The following BTAF1 variants were observed in gnomAD, a reference collection of about 807,000 sequenced individuals.
The protein encoded by BTAF1 is B-TFIID TATA-box binding protein associated factor 1.
BTAF1 carries 38 observed loss-of-function variants against 227.1 expected under a neutral mutation model. That is an observed-to-expected ratio of 0.17 (90% CI 0.13 to 0.22). The LOEUF is 0.22. Ranked by LOEUF, BTAF1 falls within the 10% of genes least tolerant of loss-of-function variation. The pLI, the probability that BTAF1 is intolerant of heterozygous loss-of-function variation, is 1.00. For missense variants in BTAF1, 1,598 were observed against 2,204.0 expected (o/e 0.73, Z 5.51); for synonymous variants, 742 against 751.9 (o/e 0.99, Z 0.21).
At chr10:91,962,994 GT>G (rs926105682) in intron 12 of BTAF1, among the ~76,000 whole-genome samples, 11 of 151,452 alleles carry the variant, frequency 7.3e-5, no homozygotes, top group Admixed American at 2.0e-4. Context: ...TTTTTGGATT[GT>G]TTTTTTAAAT....
intron 1 of BTAF1, among the ~76,000 whole-genome samples, chr10:91,929,288 G>C (rs1026982366): frequency 2.0e-5 from 3 of 152,202 alleles, no homozygotes; most frequent in African/African-American, 7.2e-5. Context: ...GCTAGAGAAA[G>C]TTTCAGAAAT....
intron 18 of BTAF1, among the ~76,000 whole-genome samples, chr10:91,983,591 G>C (rs1848206998): frequency 6.6e-6 from 1 of 152,148 alleles, no homozygotes; most frequent in South Asian, 2.1e-4. Context: ...AGCAAGTGTT[G>C]ACAGTTAGGT....
At chr10:92,008,005 C>T (rs1850044112) in intron 25 of BTAF1, 118 bp from the exon 26 acceptor site, 1 of 956,722 alleles carries the variant, frequency 1.0e-6, no homozygotes, top group Non-Finnish European at 1.6e-6. Flanking sequence ...GATTTGTCTT[C>T]AAGTCTTTGT....
intron 19 of BTAF1, among the ~76,000 whole-genome samples, chr10:91,988,445 T>C (rs910365911): frequency 2.2e-4 from 34 of 152,190 alleles, no homozygotes; most frequent in African/African-American, 7.7e-4. Context: ...GTAGTTTTTA[T>C]GGTATGCAAA....
At position 91,982,103 on chromosome 10, in the gene BTAF1, G is replaced by C; in HGVS notation, c.1926G>C (p.Val642=). 6.2e-7 allele frequency: 1 copy of C among 1,612,464 alleles called. No homozygotes were observed. The highest frequency in any genetic ancestry group is 1.1e-5 in the South Asian group (1 of 90,874). ...ARAKEKTGGK[V]RQGQSQNKEV... ...TGTAGGAAAAAACAGGTGGTAAGGT[G>C]CGCCAAGGCCAAAGCCAGAATAAAG... The change falls in exon 17 of 38, where the codon GTG becomes GTC. Residue 642 remains valine (V), a synonymous_variant. Coordinates refer to ENST00000265990, the MANE Select transcript of BTAF1 (RefSeq NM_003972.3).
chr10:91,926,996 T>C (rs941761886), intron 1 of BTAF1, among the ~76,000 whole-genome samples: 14 of 152,296 alleles, frequency 9.2e-5, no homozygotes, highest in Middle Eastern at 3.4e-3. Context: ...TCAACTTCTC[T>C]GTACTTCCCC....
At chr10:91,978,286 G>A (rs1024389083) in intron 14 of BTAF1, among the ~76,000 whole-genome samples, 13 of 152,142 alleles carry the variant, frequency 8.5e-5, no homozygotes, top group African/African-American at 2.9e-4. Context: ...AAATATAGGG[G>A]GAAAATCTTC....
chr10:91,946,543 A>G (rs934402707), intron 4 of BTAF1, among the ~76,000 whole-genome samples: 6 of 152,202 alleles, frequency 3.9e-5, no homozygotes, highest in African/African-American at 1.2e-4. Context: ...TTTACATTCA[A>G]TTTCTCAACA....
chr10:91,970,451 G>A (rs1847211893), intron 14 of BTAF1, among the ~76,000 whole-genome samples: 1 of 152,194 alleles, frequency 6.6e-6, no homozygotes, highest in Non-Finnish European at 1.5e-5. Context: ...ATGGTGGAAG[G>A]CAAGGAGGAG....
intron 14 of BTAF1, among the ~76,000 whole-genome samples, chr10:91,969,351 G>C (rs1847135594): frequency 6.6e-6 from 1 of 151,808 alleles, no homozygotes; most frequent in South Asian, 2.1e-4. Context: ...CAAAAAAAAA[G>C]TTAGCTATTA....
chr10:92,026,469 T>G (rs78534156), intron 35 of BTAF1, 123 bp from the exon 36 acceptor site: 9 of 747,384 alleles, frequency 1.2e-5, no homozygotes, highest in Non-Finnish European at 1.9e-5. Flanking sequence ...CAGATGATCA[T>G]GTAAGTATCC....
intron 4 of BTAF1, among the ~76,000 whole-genome samples, chr10:91,943,271 A>G (rs1470924830): frequency 2.0e-5 from 3 of 152,114 alleles, no homozygotes; most frequent in East Asian, 3.8e-4. Flanking sequence ...CCGAGATCAC[A>G]CCACTGCACT....
intron 1 of BTAF1, among the ~76,000 whole-genome samples, chr10:91,934,485 C>T (rs1209913203): frequency 6.6e-6 from 1 of 152,114 alleles, no homozygotes; most frequent in Non-Finnish European, 1.5e-5. Flanking sequence ...GATCCTCCCA[C>T]CTCCACCTCC....
rs372064090 is a variant in BTAF1 at position 91,964,196 on chromosome 10, A to G, written c.1524A>G (p.Gln508=). Residue 508 remains glutamine, a synonymous_variant, in exon 13 of 38, where the codon CAA becomes CAG. Transcript: ENST00000265990. ...TGTTAACTTACCCTCAGGTCCAACA[A>G]TGCAGGTAATTATTTCTAATTAGTG... ...SSLLTYPQVQ[Q]CSIQQSLTVL... 1.2e-5 allele frequency: 20 copies of G among 1,611,858 alleles called. No individual in the cohort carries two copies. Among genetic ancestry groups the G allele is most frequent in the Non-Finnish European group, 1.6e-5 (19 of 1,179,268 alleles).
chr10:91,927,066 C>G (rs1415717232), intron 1 of BTAF1, among the ~76,000 whole-genome samples: 1 of 152,076 alleles, frequency 6.6e-6, no homozygotes, highest in Non-Finnish European at 1.5e-5. Flanking sequence ...TTACCCCCTA[C>G]TGTTTATCTT....
chr10:91,968,917 T>C (rs1847105692), intron 14 of BTAF1, among the ~76,000 whole-genome samples: 1 of 152,052 alleles, frequency 6.6e-6, no homozygotes, highest in Non-Finnish European at 1.5e-5. Flanking sequence ...CACTGTTGCA[T>C]GGGTGTGATC....
At chr10:91,968,474 G>C (rs1482928289) in intron 14 of BTAF1, among the ~76,000 whole-genome samples, 1 of 152,010 alleles carries the variant, frequency 6.6e-6, no homozygotes, top group Non-Finnish European at 1.5e-5. Context: ...CCAGTTTTTG[G>C]CAATTATGAA....
At chr10:91,960,587 GTTT>G (rs369256520) in intron 11 of BTAF1, among the ~76,000 whole-genome samples, 51 of 140,308 alleles carry the variant, frequency 3.6e-4, no homozygotes, top group Admixed American at 1.1e-3. Context: ...AACTGTCAGT[GTTT>G]TTTTTTTTTT....
chr10:91,993,943 C>T, intron 22 of BTAF1, 96 bp downstream of exon 22: 1 of 906,898 alleles, frequency 1.1e-6, no homozygotes, highest in Non-Finnish European at 1.5e-6. Context: ...TATGCCTCTA[C>T]CTGTTTATTC....
Sources: allele counts gnomAD v4.1 joint callset (sites outside exome capture counted in the v4.1 genomes callset), GRCh38; gene constraint gnomAD v4.1.1; transcripts MANE v1.5; gene names NCBI Gene and HGNC (gene_info 2026-07-23, HGNC 2026-07-21).